Variants in STX7 observed in about 807,000 individuals in gnomAD.
The protein encoded by STX7 is syntaxin 7.
A neutral mutation model predicts 39.6 loss-of-function variants in STX7; 34 were observed. The observed-to-expected ratio is 0.86, with a 90% confidence interval of 0.65 to 1.14. The LOEUF is 1.14. STX7 is among the 50% of genes most tolerant of loss of function. The pLI, the probability that STX7 is intolerant of heterozygous loss-of-function variation, is 0.00. For missense variants in STX7, 284 were observed against 310.4 expected, an observed-to-expected ratio of 0.92 and a Z score of 0.64; for synonymous variants, 119 against 99.1, an observed-to-expected ratio of 1.20 and a Z score of -1.19.
At position 132,451,134 on chromosome 6, in the gene STX7, G is replaced by A. The variant is rs552258185; in HGVS notation, c.*9624C>T. On this transcript the variant is annotated 3_prime_UTR_variant, in exon 10 of 10. Transcript: ENST00000367941. Reference sequence around the variant, plus strand: ...TTTTTTTGACAAGGAGTCTCGTTCTGTTGCTCAGACTGGAGTACAGTGGTG... The same window carrying A: ...TTTTTTTGACAAGGAGTCTCGTTCTATTGCTCAGACTGGAGTACAGTGGTG... The A allele has an allele frequency of 7.7e-5, 11 of 143,400 alleles. No homozygotes were observed. The highest frequency in any genetic ancestry group is 2.9e-4 in the African/African-American group (11 of 37,798). 8.9% of individuals were successfully genotyped at this position (143,400 alleles called of 1,614,324 possible).
upstream of STX7, among the ~76,000 whole-genome samples, chr6:132,513,427 A>G (rs1238921085): frequency 3.3e-5 from 5 of 152,240 alleles, no homozygotes; most frequent in Non-Finnish European, 7.3e-5. Flanking sequence ...CTTTAACTGC[A>G]GTAGATCGCG....
At chr6:132,494,146 C>T (rs1444890303) in intron 2 of STX7, among the ~76,000 whole-genome samples, 1 of 151,892 alleles carries the variant, frequency 6.6e-6, no homozygotes, top group Non-Finnish European at 1.5e-5. Context: ...AACATATACA[C>T]TTAGGATAAA....
intron 2 of STX7, among the ~76,000 whole-genome samples, chr6:132,482,428 G>A (rs1476181153): frequency 6.6e-6 from 1 of 152,082 alleles, no homozygotes; most frequent in African/African-American, 2.4e-5. Context: ...ATATTATACG[G>A]TATTAGTTCA....
intron 2 of STX7, among the ~76,000 whole-genome samples, chr6:132,482,231 C>T (rs778498202): frequency 1.3e-5 from 2 of 152,160 alleles, no homozygotes; most frequent in African/African-American, 4.8e-5. Context: ...ACTCGACAAA[C>T]ATTTACTGGG....
In STX7 at chr6:132,458,406, A is replaced by T. The variant is rs1390308491; in HGVS notation, c.*2352T>A. ...TCATATTGCAAAACCATAGTATTTA[A>T]CGACCAATAAACAGCCAAATACCTA... On this transcript the variant is annotated 3_prime_UTR_variant, in exon 10 of 10. Transcript: ENST00000367941. 2 of 152,214 alleles carry T rather than the reference A, an allele frequency of 1.3e-5. No individual in the cohort carries two copies. The highest frequency in any genetic ancestry group is 4.8e-5 in the African/African-American group (2 of 41,458). The allele number at this position is 152,214 out of a possible 1,614,324, so 9.4% of individuals were successfully genotyped here.
intron 2 of STX7, among the ~76,000 whole-genome samples, chr6:132,501,000 T>A (rs755710810): frequency 6.6e-6 from 1 of 152,112 alleles, no homozygotes; most frequent in Admixed American, 6.5e-5. Flanking sequence ...GTTTCACATA[T>A]GACAGTGATT....
intron 9 of STX7, chr6:132,461,707 A>G (rs1774407395): frequency 2.2e-6 from 2 of 927,884 alleles, no homozygotes; most frequent in Non-Finnish European, 3.1e-6. Context: ...TACATTCAAA[A>G]TCTCAACAAA....
At chr6:132,481,650 G>A (rs1300967516) in intron 2 of STX7, among the ~76,000 whole-genome samples, 2 of 152,024 alleles carry the variant, frequency 1.3e-5, no homozygotes, top group African/African-American at 4.8e-5. Flanking sequence ...CTAATAGAAT[G>A]CATTTAACTA....
intron 8 of STX7, 124 bp downstream of exon 8, chr6:132,468,279 T>C (rs999036667): frequency 1.4e-5 from 10 of 720,852 alleles, no homozygotes; most frequent in Admixed American, 1.0e-4. Context: ...TTATAGACCA[T>C]GCTTTTGGTT....
At chr6:132,490,111 A>T (rs796179647) in intron 2 of STX7, among the ~76,000 whole-genome samples, 55 of 152,332 alleles carry the variant, frequency 3.6e-4, no homozygotes, top group African/African-American at 1.3e-3. Flanking sequence ...GTTCCATAAC[A>T]ATGTGATTTG....
chr6:132,485,108 A>T (rs1398362231), intron 2 of STX7, among the ~76,000 whole-genome samples: 1 of 152,172 alleles, frequency 6.6e-6, no homozygotes, highest in Non-Finnish European at 1.5e-5. Context: ...CCATCATCAC[A>T]CTTAAGACAG....
chr6:132,505,052 C>G lies in STX7; in HGVS notation c.-58-1464G>C, dbSNP rs530959835. Among the ~76,000 whole-genome samples, 65 of 152,334 alleles carry G rather than the reference C, an allele frequency of 4.3e-4. 1 individual carries two copies. Among genetic ancestry groups the G allele is most frequent in the African/African-American group, 1.5e-3 (61 of 41,578 alleles). On this transcript the variant is annotated intron_variant, in intron 1 of 9. Transcript: ENST00000367941. The stretch of plus-strand genomic sequence containing the variant: ...AAAGGGAAAGAGAGGAATGGCCTAA[C>G]ATTTCTCGCACATCTGCGACACAAA...
intron 1 of STX7, among the ~76,000 whole-genome samples, chr6:132,504,106 T>C (rs1458141263): frequency 6.6e-6 from 1 of 152,210 alleles, no homozygotes; most frequent in Non-Finnish European, 1.5e-5. Flanking sequence ...TTACTTTTAA[T>C]TGTGGTTTTT....
At chr6:132,487,286 T>C (rs1194367322) in intron 2 of STX7, among the ~76,000 whole-genome samples, 1 of 152,160 alleles carries the variant, frequency 6.6e-6, no homozygotes, top group Admixed American at 6.5e-5. Flanking sequence ...TAATACTCTC[T>C]TAATTGCAGC....
Position 132,454,101 on chromosome 6 carries a change from G to A in STX7, c.*6657C>T, listed in dbSNP as rs1774195803. ...ATTCTATTCACACTAAAAAGTACCT[G>A]TCAATAGACTTGATACACATAATAA... On this transcript the variant is annotated 3_prime_UTR_variant, in exon 10 of 10. Coordinates refer to ENST00000367941, the MANE Select transcript of STX7 (RefSeq NM_003569.3). 1 of 151,842 alleles carries A rather than the reference G, an allele frequency of 6.6e-6. No individual in the cohort carries two copies. The highest frequency in any genetic ancestry group is 1.5e-5 in the Non-Finnish European group (1 of 67,974). 9.4% of individuals were successfully genotyped at this position (151,842 alleles called of 1,614,324 possible).
At chr6:132,511,550 G>A (rs759359552) in intron 1 of STX7, among the ~76,000 whole-genome samples, 2 of 152,196 alleles carry the variant, frequency 1.3e-5, no homozygotes, top group Non-Finnish European at 2.9e-5. Flanking sequence ...ATATAAACAG[G>A]AGAGAGATGA....
chr6:132,467,329 A>G (rs1774588344), intron 8 of STX7, among the ~76,000 whole-genome samples: 1 of 152,084 alleles, frequency 6.6e-6, no homozygotes, highest in Admixed American at 6.6e-5. Flanking sequence ...TAAATCTACC[A>G]AGGGTTCACT....
intron 2 of STX7, among the ~76,000 whole-genome samples, chr6:132,480,140 T>TCC (rs1227609952): frequency 6.6e-6 from 1 of 152,146 alleles, no homozygotes; most frequent in African/African-American, 2.4e-5. Flanking sequence ...ATCAAGGTGT[T>TCC]CCACACACCG....
intron 2 of STX7, among the ~76,000 whole-genome samples, chr6:132,488,075 T>C (rs1023170697): frequency 1.3e-5 from 2 of 152,242 alleles, no homozygotes; most frequent in South Asian, 4.1e-4. Context: ...AATTCTGATA[T>C]GTGATGCTTT....
Sources: allele counts gnomAD v4.1 joint callset (sites outside exome capture counted in the v4.1 genomes callset), GRCh38; gene constraint gnomAD v4.1.1; transcripts MANE v1.5; gene names NCBI Gene and HGNC (gene_info 2026-07-23, HGNC 2026-07-21).